Variants in DSG2 observed in about 807,000 individuals in gnomAD.
The protein encoded by DSG2 is desmoglein 2.
A neutral mutation model predicts 75.6 loss-of-function variants in DSG2; 45 were observed. The ratio of observed to expected loss-of-function variants is 0.60; its 90% CI spans 0.47 to 0.76. The LOEUF is 0.76. DSG2 is among the 30% of genes least tolerant of loss of function. DSG2 has a pLI of 0.00. For missense variants in DSG2, 1,267 were observed against 1,357.4 expected (o/e 0.93, Z 1.05); for synonymous variants, 429 against 483.9 (o/e 0.89, Z 1.49).
intron 13 of DSG2, 26 bp downstream of exon 13, chr18:31,541,340 C>T (rs1363965315): frequency 1.2e-6 from 2 of 1,613,254 alleles, no homozygotes; most frequent in South Asian, 2.2e-5. Flanking sequence ...GTCAATATGA[C>T]TTGTCTTCTT....
In DSG2 at chr18:31,538,987, T is replaced by C; in HGVS notation, c.1879+9T>C. On this transcript the variant is annotated intron_variant, in intron 12 of 14. Transcript: ENST00000261590. The stretch of plus-strand genomic sequence containing the variant: ...CTTTCTGCTCCTGCTATGTAAGTCT[T>C]TAAAAGCCACTCTGTTGTGCTTTTG... The C allele has an allele frequency of 1.2e-6, 2 of 1,612,120 alleles. No homozygotes were observed. The highest frequency in any genetic ancestry group is 1.7e-6 in the Non-Finnish European group (2 of 1,179,744).
intron 8 of DSG2, among the ~76,000 whole-genome samples, chr18:31,527,584 G>T (rs755265880): frequency 6.6e-6 from 1 of 152,160 alleles, no homozygotes; most frequent in South Asian, 2.1e-4. Flanking sequence ...GGATTCCATC[G>T]AAAGGAATTT....
intron 1 of DSG2, among the ~76,000 whole-genome samples, chr18:31,510,227 G>A (rs149574778): frequency 2.6e-3 from 402 of 152,286 alleles, no homozygotes; most frequent in East Asian, 8.7e-3. Context: ...GTAATTTCTC[G>A]CTGAATGGAC....
At chr18:31,510,771 A>G (rs2704055) in intron 1 of DSG2, among the ~76,000 whole-genome samples, 72,638 of 152,012 alleles carry the variant, frequency 0.48, 17,944 homozygotes, top group African/African-American at 0.6. Context: ...TCATCTGAAA[A>G]CACTGCTTTG....
intron 11 of DSG2, among the ~76,000 whole-genome samples, chr18:31,537,531 A>G (rs2073238728): frequency 6.6e-6 from 1 of 151,916 alleles, no homozygotes; most frequent in Non-Finnish European, 1.5e-5. Context: ...AGGCAGGAGA[A>G]TGGCATGAAC....
intron 3 of DSG2, among the ~76,000 whole-genome samples, chr18:31,520,414 G>A (rs777806210): frequency 2.0e-5 from 3 of 152,082 alleles, no homozygotes; most frequent in Admixed American, 1.3e-4. Context: ...ATGTGATAGT[G>A]TTGCTACTCT....
At chr18:31,520,250 TA>T (rs2073120190) in intron 3 of DSG2, among the ~76,000 whole-genome samples, 1 of 152,192 alleles carries the variant, frequency 6.6e-6, no homozygotes, top group Non-Finnish European at 1.5e-5. Context: ...GAGGATGTCA[TA>T]AAATGTCATT....
chr18:31,542,432 A>G (rs1212878312), intron 13 of DSG2, 88 bp from the exon 14 acceptor site: 6 of 1,423,284 alleles, frequency 4.2e-6, no homozygotes, highest in Non-Finnish European at 5.9e-6. Flanking sequence ...ATACCTTCCT[A>G]TGCCCACTTG....
At chr18:31,531,682 C>A (rs1320550220) in intron 9 of DSG2, among the ~76,000 whole-genome samples, 1 of 152,176 alleles carries the variant, frequency 6.6e-6, no homozygotes, top group Non-Finnish European at 1.5e-5. Context: ...TTACTTAACG[C>A]ATATATCTTG....
chr18:31,525,288 G>A (rs569927263), intron 8 of DSG2, among the ~76,000 whole-genome samples: 4 of 152,274 alleles, frequency 2.6e-5, no homozygotes, highest in East Asian at 3.9e-4. Context: ...AGCCAAGGCA[G>A]GCAGATAGCT....
chr18:31,521,291 T>C, intron 5 of DSG2, 48 bp downstream of exon 5: 3 of 1,523,572 alleles, frequency 2.0e-6, no homozygotes, highest in Non-Finnish European at 2.7e-6. Context: ...CTAAGATTAC[T>C]TTATCCCCAC....
intron 1 of DSG2, among the ~76,000 whole-genome samples, chr18:31,501,591 T>C (rs2073014080): frequency 1.3e-5 from 2 of 152,216 alleles, no homozygotes; most frequent in African/African-American, 4.8e-5. Context: ...TTGTCATTCC[T>C]TCTCTTGTAG....
At chr18:31,534,294 A>G (rs1295865631) in intron 9 of DSG2, among the ~76,000 whole-genome samples, 7 of 151,948 alleles carry the variant, frequency 4.6e-5, no homozygotes, top group African/African-American at 1.7e-4. Context: ...GGCCAGTTAC[A>G]TACGTTTCTG....
At chr18:31,501,512 G>T (rs945902635) in intron 1 of DSG2, among the ~76,000 whole-genome samples, 4 of 152,194 alleles carry the variant, frequency 2.6e-5, no homozygotes, top group African/African-American at 4.8e-5. Flanking sequence ...TATGGGCAGG[G>T]CCATGCTCCC....
At chr18:31,541,428 C>T in intron 13 of DSG2, 114 bp downstream of exon 13, 4 of 1,344,934 alleles carry the variant, frequency 3.0e-6, no homozygotes, top group African/African-American at 1.4e-5. Context: ...ATGGATTTCA[C>T]TCATGTGCCT....
chr18:31,499,314 G>T (rs987125246), intron 1 of DSG2, among the ~76,000 whole-genome samples: 9 of 151,980 alleles, frequency 5.9e-5, no homozygotes, highest in Non-Finnish European at 1.5e-5. Context: ...TCCAAAACAT[G>T]AGCCCTTCTA....
rs2073277708 is a variant in DSG2 at position 31,542,789 on chromosome 18, G to A, written c.2271G>A (p.Met757Ile). 6.2e-7 allele frequency: 1 copy of A among 1,606,054 alleles called. No individual in the cohort carries two copies. Among genetic ancestry groups the A allele is most frequent in the South Asian group, 1.1e-5 (1 of 90,266 alleles). ...GGGCCACAGGGGCTTCCAGAGACAT[G>A]GCCGGAGCTCAGGCAGCTGCTGTTG... ...TARATGASRDMAGAQAAAVAL... is the reference protein window; with the variant it reads ...TARATGASRDIAGAQAAAVAL... Residue 757 changes from methionine (M) to isoleucine (I), a missense_variant, in exon 14 of 15, where the codon ATG becomes ATA. Physicochemically the swap from Met to Ile is conservative, Grantham distance 10. Coordinates refer to ENST00000261590, the MANE Select transcript of DSG2 (RefSeq NM_001943.5).
chr18:31,539,011 T>G, intron 12 of DSG2, 33 bp downstream of exon 12: 1 of 1,600,096 alleles, frequency 6.2e-7, no homozygotes. Context: ...GTTGTGCTTT[T>G]GGGAATCTGA....
intron 9 of DSG2, among the ~76,000 whole-genome samples, chr18:31,533,177 A>G (rs925201528): frequency 2.6e-5 from 4 of 152,176 alleles, no homozygotes; most frequent in African/African-American, 7.2e-5. Context: ...ATTTTGAAAC[A>G]CTGATAAGGG....
Sources: allele counts gnomAD v4.1 joint callset (sites outside exome capture counted in the v4.1 genomes callset), GRCh38; gene constraint gnomAD v4.1.1; transcripts MANE v1.5; gene names NCBI Gene and HGNC (gene_info 2026-07-23, HGNC 2026-07-21).